ZNF646: variants seen among roughly 807,000 people sequenced by gnomAD.
ZNF646 encodes the protein zinc finger protein 646.
Under a neutral mutation model 115.4 loss-of-function variants are expected in ZNF646, and 49 were observed. The ratio of observed to expected loss-of-function variants is 0.42; its 90% CI spans 0.34 to 0.54. The LOEUF (loss-of-function observed/expected upper bound fraction) is 0.54, where lower values mean the gene tolerates loss of function less well. Among genes scored for constraint, ZNF646 ranks in the 20% least tolerant of loss-of-function variants. ZNF646 has a pLI of 0.04. For missense variants in ZNF646, 2,269 were observed against 2,457.9 expected (o/e 0.92, Z 1.62); for synonymous variants, 933 against 939.0 (o/e 0.99, Z 0.12).
intron 2 of ZNF646, 187 bp downstream of exon 2, chr16:31,081,888 AGG>A: frequency 9.7e-7 from 1 of 1,029,922 alleles, no homozygotes; most frequent in Non-Finnish European, 1.4e-6. Context: ...CCCGCAAGTC[AGG>A]TATAACAAAT....
chr16:31,077,726 A>G lies in ZNF646; in HGVS notation c.1402A>G (p.Ser468Gly). 1.9e-6 allele frequency: 3 copies of G among 1,614,064 alleles called. No homozygotes were observed. The highest frequency in any genetic ancestry group is 2.5e-6 in the Non-Finnish European group (3 of 1,180,016). ...CCTGGACCATCGGCCCTATAAGTGC[A>G]GTGAGTGTGGTCGTGCTTACCGCCA... Reference protein sequence around the residue: ...TTLDHRPYKCSECGRAYRHRG... With the variant: ...TTLDHRPYKCGECGRAYRHRG... Residue 468 changes from serine to glycine, a missense_variant, in exon 2 of 3, where the codon AGT (serine) becomes GGT (glycine). Coordinates refer to ENST00000300850, the MANE Select transcript of ZNF646 (RefSeq NM_014699.4).
At position 31,080,126 on chromosome 16, in the gene ZNF646, C is replaced by T. The variant is rs1017282632; in HGVS notation, c.3802C>T (p.Arg1268Cys). The change falls in exon 2 of 3, where the codon CGC becomes TGC. Residue 1268 changes from arginine (R) to cysteine (C), a missense_variant. Physicochemically the swap from Arg to Cys is radical, Grantham distance 180. Coordinates refer to ENST00000300850, the MANE Select transcript of ZNF646 (RefSeq NM_014699.4). ...CTGCAGCGAGTGTGGGAAGGCCTTCCGCCTGCGGAAACAGCTGGCCAGCCA... is the reference window on the plus strand; with the variant it reads ...CTGCAGCGAGTGTGGGAAGGCCTTCTGCCTGCGGAAACAGCTGGCCAGCCA... ...FRCSECGKAF[R>C]LRKQLASHQR... 8 of 1,612,840 alleles carry T rather than the reference C, an allele frequency of 5.0e-6. No individual in the cohort carries two copies. The highest frequency in any genetic ancestry group is 3.3e-5 in the South Asian group (3 of 91,066).
rs751000569 is a variant in ZNF646, at chr16:31,079,953, G to A, written c.3629G>A (p.Arg1210Gln). The change falls in exon 2 of 3, where the codon CGA (arginine) becomes CAA (glutamine). Residue 1210 changes from arginine to glutamine, a missense_variant. Arg to Gln is a conservative substitution (Grantham distance 43, BLOSUM62 1). This residue lies in a region of ZNF646 where 1,062 missense variants were observed against 1,172.8 expected (regional missense o/e 0.91). Transcript: ENST00000300850. The surrounding 1 kb of genome is among the most constrained non-coding windows in gnomAD (Gnocchi z 5.5). ...ERPFSCEVCGRSYKHAGSLIN... is the reference protein window; with the variant it reads ...ERPFSCEVCGQSYKHAGSLIN... ...CCCTTCAGCTGCGAGGTGTGTGGCCGATCCTACAAGCACGCCGGCAGCCTC... is the reference window on the plus strand; with the variant it reads ...CCCTTCAGCTGCGAGGTGTGTGGCCAATCCTACAAGCACGCCGGCAGCCTC... 4.3e-6 allele frequency: 7 copies of A among 1,610,764 alleles called. No individual in the cohort carries two copies. Among genetic ancestry groups the A allele is most frequent in the Admixed American group, 1.7e-5 (1 of 59,916 alleles).
Position 31,079,009 on chromosome 16 carries a change from C to A in ZNF646, c.2685C>A (p.Gly895=), listed in dbSNP as rs758812747. Residue 895 remains glycine (G), a synonymous_variant, in exon 2 of 3, where the codon GGC becomes GGA. Transcript: ENST00000300850. The surrounding 1 kb of genome is among the most constrained non-coding windows in gnomAD (Gnocchi z 5.5). ...LCGMIFPGRA[G]YRLHRRQAHS... ...GCATGATCTTCCCTGGGCGGGCTGGCTACAGGCTTCACCGGCGCCAGGCCC... is the reference window on the plus strand; with the variant it reads ...GCATGATCTTCCCTGGGCGGGCTGGATACAGGCTTCACCGGCGCCAGGCCC... 6.3e-7 allele frequency: 1 copy of A among 1,594,328 alleles called. No individual in the cohort carries two copies. The highest frequency in any genetic ancestry group is 8.6e-7 in the Non-Finnish European group (1 of 1,168,366).
Position 31,083,489 on chromosome 16 carries a change from CA to C in ZNF646, c.*404del. On this transcript the variant is annotated 3_prime_UTR_variant, in exon 3 of 3. Transcript: ENST00000300850. ...TAAAAAAAGGAAAACTGCTGCCCCC[CA>C]AAAAAAGAAATTTTCAAAACAACGT... is the stretch of plus-strand genomic sequence containing the variant. 3 of 1,326,632 alleles carry C rather than the reference CA, an allele frequency of 2.3e-6. No homozygotes were observed. Among genetic ancestry groups the C allele is most frequent in the African/African-American group, 1.5e-5 (1 of 65,678 alleles). 82.2% of individuals were successfully genotyped at this position (1,326,632 alleles called of 1,614,324 possible). A position where few individuals can be genotyped will look rare whatever the true frequency, so the allele number is the denominator to read the frequency against.
rs2057073609 is a variant in ZNF646 at position 31,076,241 on chromosome 16, C to T, written c.-79-5C>T. 3 of 1,508,230 alleles carry T rather than the reference C, an allele frequency of 2.0e-6. No individual in the cohort carries two copies. In the Admixed American group the frequency reaches 6.6e-5, roughly 33 times the overall value. 93.4% of individuals were successfully genotyped at this position (1,508,230 alleles called of 1,614,324 possible). On this transcript the variant is annotated splice_polypyrimidine_tract_variant and splice_region_variant and intron_variant, in intron 1 of 2. Transcript: ENST00000300850. Reference sequence around the variant, plus strand: ...TTCCTTTTGACCACTGCCCCCTCTTCCTAGGCCTTGGCCCCTCCACCAGAG... The same window carrying T: ...TTCCTTTTGACCACTGCCCCCTCTTTCTAGGCCTTGGCCCCTCCACCAGAG...
rs1369535255 is a variant in ZNF646, at chr16:31,077,836, C to A, written c.1512C>A (p.Leu504=). Residue 504 remains leucine, a synonymous_variant, in exon 2 of 3, where the codon CTC becomes CTA. Coordinates refer to ENST00000300850, the MANE Select transcript of ZNF646 (RefSeq NM_014699.4). ...TCTGTCCCCGCAAGTACCCCAATCT[C>A]ATGGCCCTGCGCAACCACGTGCGGG... The part of the protein sequence containing the change: ...CSLCPRKYPN[L]MALRNHVRVH... The A allele has an allele frequency of 1.1e-5, 17 of 1,613,792 alleles. No individual in the cohort carries two copies. Among genetic ancestry groups the A allele is most frequent in the Non-Finnish European group, 1.4e-5 (16 of 1,180,046 alleles).
At position 31,078,411 on chromosome 16, in the gene ZNF646, C is replaced by G. The variant is rs199995651; in HGVS notation, c.2087C>G (p.Thr696Ser). Reference protein sequence around the residue: ...EAKLLAAESWTRELEDNEGLE... With the variant: ...EAKLLAAESWSRELEDNEGLE... ...AAACTCCTGGCAGCGGAGAGCTGGA[C>G]CCGGGAGCTAGAAGACAATGAAGGC... is the stretch of plus-strand genomic sequence containing the variant. Residue 696 changes from threonine to serine, a missense_variant, in exon 2 of 3, where the codon ACC (threonine) becomes AGC (serine). Physicochemically the swap from Thr to Ser is moderately conservative, Grantham distance 58. Transcript: ENST00000300850. 4 of 1,609,168 alleles carry G rather than the reference C, an allele frequency of 2.5e-6. No homozygotes were observed. The highest frequency in any genetic ancestry group is 3.4e-6 in the Non-Finnish European group (4 of 1,177,136).
In ZNF646 at chr16:31,077,968, G is replaced by T; in HGVS notation, c.1644G>T (p.Pro548=). The change falls in exon 2 of 3, where the codon CCG becomes CCT. Residue 548 remains proline (P), a synonymous_variant. Coordinates refer to ENST00000300850, the MANE Select transcript of ZNF646 (RefSeq NM_014699.4). ...PPDPVEAEAA[P]HTDQDHVCKH... is the part of the protein sequence containing the mutation. ...ACCCAGTGGAGGCAGAGGCAGCCCC[G>T]CACACAGATCAGGACCATGTGTGCA... 1 of 1,613,814 alleles carries T rather than the reference G, an allele frequency of 6.2e-7. No homozygotes were observed. The highest frequency in any genetic ancestry group is 8.5e-7 in the Non-Finnish European group (1 of 1,180,028).
intron 1 of ZNF646, among the ~76,000 whole-genome samples, chr16:31,075,555 C>T (rs181598789): frequency 1.5e-3 from 234 of 152,314 alleles, no homozygotes; most frequent in Middle Eastern, 0.01. Flanking sequence ...GCCTCGGCCT[C>T]CCAAAGTGCT....
In ZNF646 at chr16:31,079,666, C is replaced by T. The variant is rs1421334354; in HGVS notation, c.3342C>T (p.Ile1114=). Residue 1114 remains isoleucine (I), a synonymous_variant, in exon 2 of 3, where the codon ATC becomes ATT. Transcript: ENST00000300850. The surrounding 1 kb of genome is among the most constrained non-coding windows in gnomAD (Gnocchi z 5.5). The part of the protein sequence containing the change: ...CKGSEPQVGP[I]PEAAGSSELQ... ...GCTCTGAGCCCCAGGTTGGGCCCAT[C>T]CCAGAGGCAGCAGGTAGCAGTGAGC... is the stretch of plus-strand genomic sequence containing the variant. 1.9e-6 allele frequency: 3 copies of T among 1,613,492 alleles called. No individual in the cohort carries two copies. Among genetic ancestry groups the T allele is most frequent in the Non-Finnish European group, 2.5e-6 (3 of 1,179,962 alleles).
At chr16:31,076,098 G>A (rs750054800) in intron 1 of ZNF646, 148 bp from the exon 2 acceptor site, 4 of 505,202 alleles carry the variant, frequency 7.9e-6, no homozygotes, top group South Asian at 8.0e-5. Context: ...AAATGATGGT[G>A]CCTGCAGATT....
chr16:31,081,077 T>C lies in ZNF646; in HGVS notation c.4753T>C (p.Phe1585Leu). 6.2e-7 allele frequency: 1 copy of C among 1,613,870 alleles called. No individual in the cohort carries two copies. Among genetic ancestry groups the C allele is most frequent in the Non-Finnish European group, 8.5e-7 (1 of 1,179,992 alleles). ...HSHNHIDAQT[F>L]ACPDCGKAFE... ...CCACAACCACATAGACGCCCAGACCTTTGCCTGTCCTGACTGTGGCAAAGC... is the reference window on the plus strand; with the variant it reads ...CCACAACCACATAGACGCCCAGACCCTTGCCTGTCCTGACTGTGGCAAAGC... Residue 1585 changes from phenylalanine to leucine, a missense_variant, in exon 2 of 3, where the codon TTT (phenylalanine) becomes CTT (leucine). By Grantham distance (22) the Phe-to-Leu change is conservative. Transcript: ENST00000300850.
chr16:31,083,760 C>T lies in ZNF646; in HGVS notation c.*668C>T, dbSNP rs751073555. ...GTAATGCCATTTGCCTGCCTGCATT[C>T]TCTTGTCCTGAGAATGGCCAGGTCC... On this transcript the variant is annotated 3_prime_UTR_variant, in exon 3 of 3. Coordinates refer to ENST00000300850, the MANE Select transcript of ZNF646 (RefSeq NM_014699.4). The T allele has an allele frequency of 2.5e-6, 4 of 1,614,160 alleles. No homozygotes were observed. The South Asian group carries it at 3.3e-5, about 13-fold the overall frequency.
chr16:31,081,591 C>A lies in ZNF646; in HGVS notation c.5267C>A (p.Pro1756His). 1 of 1,612,280 alleles carries A rather than the reference C, an allele frequency of 6.2e-7. No homozygotes were observed. The highest frequency in any genetic ancestry group is 1.1e-5 in the South Asian group (1 of 91,014). Reference protein sequence around the residue: ...RLEGHGRVHAPREGPFTCPHC... With the variant: ...RLEGHGRVHAHREGPFTCPHC... Reference sequence around the variant, plus strand: ...GAGGGCCACGGGCGGGTCCATGCACCCCGGGAGGGGCCTTTCACCTGCCCC... The same window carrying A: ...GAGGGCCACGGGCGGGTCCATGCACACCGGGAGGGGCCTTTCACCTGCCCC... The change falls in exon 2 of 3, where the codon CCC (proline) becomes CAC (histidine). Residue 1756 changes from proline to histidine, a missense_variant. Pro to His is a moderately conservative substitution (Grantham distance 77). Coordinates refer to ENST00000300850, the MANE Select transcript of ZNF646 (RefSeq NM_014699.4).
In ZNF646 at chr16:31,083,841, T is replaced by G; in HGVS notation, c.*749T>G. On this transcript the variant is annotated 3_prime_UTR_variant, in exon 3 of 3. Transcript: ENST00000300850. ...GGAAGGAAGGAGGGTGGAGTTGTCCTCATCCTCACGGCTTTGGTCCCTCCC... is the reference window on the plus strand; with the variant it reads ...GGAAGGAAGGAGGGTGGAGTTGTCCGCATCCTCACGGCTTTGGTCCCTCCC... 1 of 1,613,958 alleles carries G rather than the reference T, an allele frequency of 6.2e-7. No homozygotes were observed. The highest frequency in any genetic ancestry group is 8.5e-7 in the Non-Finnish European group (1 of 1,179,832).
intron 1 of ZNF646, among the ~76,000 whole-genome samples, chr16:31,075,667 A>G (rs2057067805): frequency 6.6e-6 from 1 of 151,910 alleles, no homozygotes; most frequent in Non-Finnish European, 1.5e-5. Flanking sequence ...CACTGAAATG[A>G]CTCGGGGTGG....
intron 1 of ZNF646, 56 bp downstream of exon 1, chr16:31,074,687 C>G (rs1439709132): frequency 6.6e-6 from 1 of 152,146 alleles, no homozygotes; most frequent in Non-Finnish European, 1.5e-5. Flanking sequence ...CTGACGCGCC[C>G]GCGGCGGGAA....
intron 2 of ZNF646, 179 bp from the exon 3 acceptor site, chr16:31,082,792 G>T: frequency 1.4e-6 from 1 of 725,368 alleles, no homozygotes; most frequent in African/African-American, 1.9e-5. Context: ...TGACCTCAAG[G>T]GATATGAGGG....
Sources: allele counts gnomAD v4.1 joint callset (sites outside exome capture counted in the v4.1 genomes callset), GRCh38; gene constraint gnomAD v4.1.1; regional missense constraint gnomAD v4.1.1; non-coding constraint Gnocchi (gnomAD v3.1); transcripts MANE v1.5; gene names NCBI Gene and HGNC (gene_info 2026-07-23, HGNC 2026-07-21).